The following PYGO1 variants were observed in gnomAD, a reference collection of about 807,000 sequenced individuals.
The protein encoded by PYGO1 is pygopus family PHD finger 1, also known as pygopus homolog 1.
Under a neutral mutation model 29.5 loss-of-function variants are expected in PYGO1, and 6 were observed. The ratio of observed to expected loss-of-function variants is 0.20; its 90% CI spans 0.11 to 0.40. PYGO1 has a LOEUF of 0.40. PYGO1 is among the 10% of genes least tolerant of loss of function. PYGO1 has a pLI of 1.00. For synonymous variants in PYGO1, 186 were observed against 180.5 expected, an observed-to-expected ratio of 1.03 and a Z score of -0.24; for missense variants, 515 against 514.9, an observed-to-expected ratio of 1.00 and a Z score of 0.00.
At chr15:55,586,978 T>G (rs957255199) in intron 1 of PYGO1, among the ~76,000 whole-genome samples, 1 of 152,252 alleles carries the variant, frequency 6.6e-6, no homozygotes, top group African/African-American at 2.4e-5. Flanking sequence ...TTCACTGCTG[T>G]ATCCCAGTAA....
At chr15:55,566,077 G>C (rs915721332) in intron 1 of PYGO1, among the ~76,000 whole-genome samples, 2 of 152,152 alleles carry the variant, frequency 1.3e-5, no homozygotes, top group Non-Finnish European at 2.9e-5. Flanking sequence ...CACCGTGTCT[G>C]GCTTTTATTT....
intron 1 of PYGO1, among the ~76,000 whole-genome samples, chr15:55,563,796 C>G (rs1212423452): frequency 6.6e-6 from 1 of 151,940 alleles, no homozygotes; most frequent in Non-Finnish European, 1.5e-5. Flanking sequence ...ACACAAATGG[C>G]CAAGAAACAC....
chr15:55,578,030 C>A (rs1237464850), intron 1 of PYGO1, among the ~76,000 whole-genome samples: 3 of 152,144 alleles, frequency 2.0e-5, no homozygotes, highest in African/African-American at 4.8e-5. Context: ...CTGCTTCAAC[C>A]TTAATCTACC....
intron 1 of PYGO1, among the ~76,000 whole-genome samples, chr15:55,554,468 CAAA>C (rs56216226): frequency 4.9e-5 from 6 of 122,916 alleles, no homozygotes; most frequent in East Asian, 3.2e-4. Flanking sequence ...GACTCTGTCT[CAAA>C]AAAAAAAAAA....
Position 55,587,816 on chromosome 15 carries a change from C to T in PYGO1, c.49+19G>A. On this transcript the variant is annotated intron_variant, in intron 1 of 2. Transcript: ENST00000563719. ...CTCACTCACCCCGGTTCCCCCAATC[C>T]GGCACCCTTCTCGGTTACCTCGAAC... 1.3e-6 allele frequency: 2 copies of T among 1,485,526 alleles called. No individual in the cohort carries two copies. Among genetic ancestry groups the T allele is most frequent in the South Asian group, 1.3e-5 (1 of 79,576 alleles). 92.0% of individuals were successfully genotyped at this position (1,485,526 alleles called of 1,614,324 possible).
chr15:55,588,907 G>C (rs1366723808), upstream of PYGO1: 3 of 1,515,934 alleles, frequency 2.0e-6, no homozygotes, highest in South Asian at 1.1e-5. Flanking sequence ...GTGGACACCT[G>C]TCTGTAGAAT....
intron 1 of PYGO1, among the ~76,000 whole-genome samples, chr15:55,557,317 C>A (rs1179256904): frequency 6.6e-6 from 1 of 151,956 alleles, no homozygotes; most frequent in Non-Finnish European, 1.5e-5. Context: ...CCTGAATAGA[C>A]CAATAACAGG....
At chr15:55,549,748 A>G (rs1229256553) in intron 1 of PYGO1, among the ~76,000 whole-genome samples, 1 of 152,228 alleles carries the variant, frequency 6.6e-6, no homozygotes, top group Non-Finnish European at 1.5e-5. Context: ...TTGACTATCA[A>G]TCTAAGAGGT....
Position 55,546,889 on chromosome 15 carries a change from G to A in PYGO1, c.394C>T (p.Pro132Ser), listed in dbSNP as rs781712789. 6.2e-7 allele frequency: 1 copy of A among 1,614,170 alleles called. No individual in the cohort carries two copies. Residue 132 changes from proline to serine, a missense_variant, in exon 3 of 3, where the codon CCT becomes TCT. Transcript: ENST00000563719. ...AAACCCATGCCCAGAGGATTCTGAGGAAATGGGTGTGGCTGGTTCCTGAGT... is the reference window on the plus strand; with the variant it reads ...AAACCCATGCCCAGAGGATTCTGAGAAAATGGGTGTGGCTGGTTCCTGAGT... ...YSLRNQPHPFPQNPLGMGFNR... is the reference protein window; with the variant it reads ...YSLRNQPHPFSQNPLGMGFNR...
chr15:55,545,417 T>A lies in PYGO1; in HGVS notation c.*606A>T, dbSNP rs994549081. 3 of 152,232 alleles carry A rather than the reference T, an allele frequency of 2.0e-5. No individual in the cohort carries two copies. The highest frequency in any genetic ancestry group is 7.2e-5 in the African/African-American group (3 of 41,470). 9.4% of individuals were successfully genotyped at this position (152,232 alleles called of 1,614,324 possible). On this transcript the variant is annotated 3_prime_UTR_variant, in exon 3 of 3. Transcript: ENST00000563719. Reference sequence around the variant, plus strand: ...CCACAAGTTAATCAACAATACTTACTGAGAATTTACTATATGCTAAGATCT... The same window carrying A: ...CCACAAGTTAATCAACAATACTTACAGAGAATTTACTATATGCTAAGATCT...
chr15:55,546,547 T>C lies in PYGO1; in HGVS notation c.736A>G (p.Thr246Ala). ...GAGGAATTTTGATTAGTGTTTTTGG[T>C]TGCTCCTTGAGTAAAGTCTTGTTTT... ...PPKQDFTQGA[T>A]KNTNQNSSAH... The change falls in exon 3 of 3, where the codon ACC becomes GCC. Residue 246 changes from threonine (T) to alanine (A), a missense_variant. By Grantham distance (58) the Thr-to-Ala change is moderately conservative. Coordinates refer to ENST00000563719, the MANE Select transcript of PYGO1 (RefSeq NM_001367806.1). 6.2e-7 allele frequency: 1 copy of C among 1,614,146 alleles called. No individual in the cohort carries two copies. Among genetic ancestry groups the C allele is most frequent in the Non-Finnish European group, 8.5e-7 (1 of 1,180,020 alleles).
At chr15:55,578,588 C>A (rs977315238) in intron 1 of PYGO1, among the ~76,000 whole-genome samples, 1 of 152,190 alleles carries the variant, frequency 6.6e-6, no homozygotes, top group African/African-American at 2.4e-5. Context: ...TTTTGATTTG[C>A]ATTTCCATAA....
chr15:55,583,404 CTT>C (rs750871258), intron 1 of PYGO1, among the ~76,000 whole-genome samples: 3 of 149,350 alleles, frequency 2.0e-5, no homozygotes, highest in Non-Finnish European at 3.0e-5. Flanking sequence ...CATATTTTCT[CTT>C]GACTATCTTT....
chr15:55,579,415 A>G (rs2141676171), intron 1 of PYGO1, among the ~76,000 whole-genome samples: 1 of 152,370 alleles, frequency 6.6e-6, no homozygotes, highest in East Asian at 1.9e-4. Flanking sequence ...TCATTTTAAC[A>G]AAAGTATAAA....
intron 1 of PYGO1, among the ~76,000 whole-genome samples, chr15:55,583,609 T>C (rs1567061144): frequency 6.6e-6 from 1 of 152,152 alleles, no homozygotes; most frequent in Non-Finnish European, 1.5e-5. Context: ...CTCGACCTCC[T>C]GGGCTCAAGG....
intron 1 of PYGO1, among the ~76,000 whole-genome samples, chr15:55,567,808 C>T (rs897183627): frequency 1.3e-5 from 2 of 152,144 alleles, no homozygotes; most frequent in African/African-American, 2.4e-5. Context: ...TTTCATTCTT[C>T]TACATATGGA....
chr15:55,568,908 G>C (rs1054949559), intron 1 of PYGO1, among the ~76,000 whole-genome samples: 7 of 152,274 alleles, frequency 4.6e-5, no homozygotes, highest in African/African-American at 1.7e-4. Flanking sequence ...ATTTGCTTAT[G>C]TTGAACCAAC....
At chr15:55,550,978 T>G (rs931377792) in intron 1 of PYGO1, among the ~76,000 whole-genome samples, 1 of 152,168 alleles carries the variant, frequency 6.6e-6, no homozygotes, top group Non-Finnish European at 1.5e-5. Flanking sequence ...TAGATTCCCA[T>G]AAGAAATGCA....
chr15:55,568,567 T>C (rs374765184), intron 1 of PYGO1, among the ~76,000 whole-genome samples: 23 of 152,258 alleles, frequency 1.5e-4, no homozygotes, highest in African/African-American at 5.3e-4. Flanking sequence ...TTTGTCTTCT[T>C]TTCCTATTTG....
Sources: allele counts gnomAD v4.1 joint callset (sites outside exome capture counted in the v4.1 genomes callset), GRCh38; gene constraint gnomAD v4.1.1; transcripts MANE v1.5; gene names NCBI Gene and HGNC (gene_info 2026-07-23, HGNC 2026-07-21).